PPP2R2A: variants seen among roughly 807,000 people sequenced by gnomAD.
PPP2R2A encodes protein phosphatase 2 regulatory subunit Balpha.
PPP2R2A carries 9 observed loss-of-function variants against 53.2 expected under a neutral mutation model. That is an observed-to-expected ratio of 0.17 (90% CI 0.10 to 0.30). The LOEUF is 0.30. PPP2R2A is among the 10% of genes least tolerant of loss of function. The pLI is 1.00. For synonymous variants in PPP2R2A, 169 were observed against 174.2 expected, an observed-to-expected ratio of 0.97 and a Z score of 0.23; for missense variants, 235 against 534.6, an observed-to-expected ratio of 0.44 and a Z score of 5.53.
chr8:26,370,004 C>A lies in PPP2R2A; in HGVS notation c.1065-130C>A. ...TTTATTCTAGTGATTGAGTTGATGT[C>A]AACAGCCCCTGTCCCTTAGTTTAAA... On this transcript the variant is annotated intron_variant, in intron 9 of 9. Transcript: ENST00000380737. This position sits in a 1 kb window ranked among gnomAD's most constrained non-coding sequence, Gnocchi z 6.1. The A allele has an allele frequency of 1.1e-6, 1 of 877,102 alleles. No homozygotes were observed. The highest frequency in any genetic ancestry group is 1.7e-6 in the Non-Finnish European group (1 of 575,952). The allele number at this position is 877,102 out of a possible 1,614,324, so 54.3% of individuals were successfully genotyped here. A position where few individuals can be genotyped will look rare whatever the true frequency, so the allele number is the denominator to read the frequency against.
Position 26,358,847 on chromosome 8 carries a change from A to G in PPP2R2A, c.347-1322A>G, listed in dbSNP as rs1169487120. On this transcript the variant is annotated intron_variant, in intron 4 of 9. Coordinates refer to ENST00000380737, the MANE Select transcript of PPP2R2A (RefSeq NM_002717.4). The stretch of plus-strand genomic sequence containing the variant: ...GGGATGCTTCCTGCAGGAGAATTCT[A>G]AATAAGACGTGGATACATACTCTTC... 4 of 444,150 alleles carry G rather than the reference A, an allele frequency of 9.0e-6. No homozygotes were observed. In the East Asian group the frequency reaches 2.8e-4, roughly 31 times the overall value. 27.5% of individuals were successfully genotyped at this position (444,150 alleles called of 1,614,324 possible). A position where few individuals can be genotyped will look rare whatever the true frequency, so the allele number is the denominator to read the frequency against.
In PPP2R2A at chr8:26,362,662, T is replaced by A. The variant is rs1362271633; in HGVS notation, c.638-22T>A. The stretch of plus-strand genomic sequence containing the variant: ...TTTGCCCTTTTTTCTAAGTGGAAAT[T>A]CCTTAATAAAATGTTATCTAGACAT... On this transcript the variant is annotated intron_variant, in intron 6 of 9. Coordinates refer to ENST00000380737, the MANE Select transcript of PPP2R2A (RefSeq NM_002717.4). This position sits in a 1 kb window ranked among gnomAD's most constrained non-coding sequence, Gnocchi z 4.4. The A allele has an allele frequency of 1.9e-6, 3 of 1,606,546 alleles. No individual in the cohort carries two copies. Among genetic ancestry groups the A allele is most frequent in the Non-Finnish European group, 2.6e-6 (3 of 1,175,006 alleles).
chr8:26,338,760 T>C lies in PPP2R2A; in HGVS notation c.83-130T>C, dbSNP rs1803793537. On this transcript the variant is annotated intron_variant, in intron 2 of 9. Transcript: ENST00000380737. The surrounding 1 kb of genome is among the most constrained non-coding windows in gnomAD (Gnocchi z 4.5). Reference sequence around the variant, plus strand: ...AACTTTAGATTCATGTTATTTCTGATGGGTGGTTGATGTACTTCAAAGATA... The same window carrying C: ...AACTTTAGATTCATGTTATTTCTGACGGGTGGTTGATGTACTTCAAAGATA... The C allele has an allele frequency of 2.0e-6, 1 of 499,520 alleles. No individual in the cohort carries two copies. The highest frequency in any genetic ancestry group is 3.6e-6 in the Non-Finnish European group (1 of 280,498). The allele number at this position is 499,520 out of a possible 1,614,324, so 30.9% of individuals were successfully genotyped here. A position where few individuals can be genotyped will look rare whatever the true frequency, so the allele number is the denominator to read the frequency against.
At chr8:26,363,948 GAGA>G (rs1007866312) in intron 8 of PPP2R2A, 58 bp downstream of exon 8, 2 of 1,424,068 alleles carry the variant, frequency 1.4e-6, no homozygotes, top group African/African-American at 2.8e-5. Flanking sequence ...AGTGTTTATA[GAGA>G]AGGATTTTGT....
At chr8:26,368,828 C>T (rs369199861) in intron 9 of PPP2R2A, among the ~76,000 whole-genome samples, 19 of 152,008 alleles carry the variant, frequency 1.2e-4, no homozygotes, top group Admixed American at 2.0e-4. Context: ...ATATATAGGC[C>T]GGGCACGGTG....
intron 2 of PPP2R2A, among the ~76,000 whole-genome samples, chr8:26,327,503 C>T (rs1216478205): frequency 6.6e-6 from 1 of 152,088 alleles, no homozygotes; most frequent in African/African-American, 2.4e-5. Context: ...CTTTTCAGGG[C>T]GTTACAATAA....
At chr8:26,306,037 G>A (rs753076576) in intron 2 of PPP2R2A, among the ~76,000 whole-genome samples, 13 of 152,214 alleles carry the variant, frequency 8.5e-5, no homozygotes, top group Middle Eastern at 3.4e-3. Context: ...GCTGGGCATG[G>A]TGGCACGTGC....
intron 7 of PPP2R2A, chr8:26,363,217 A>AG (rs1188774174): frequency 6.4e-6 from 1 of 155,730 alleles, no homozygotes; most frequent in Non-Finnish European, 1.4e-5. Flanking sequence ...GCTTAAAAAA[A>AG]AAAAAAAAAA....
intron 3 of PPP2R2A, chr8:26,340,090 A>C: frequency 6.6e-6 from 1 of 152,022 alleles, no homozygotes; most frequent in African/African-American, 2.4e-5. Context: ...AATAAGACTC[A>C]AGCTTTGCTT....
chr8:26,309,356 A>C (rs1802169225), intron 2 of PPP2R2A, among the ~76,000 whole-genome samples: 1 of 152,216 alleles, frequency 6.6e-6, no homozygotes, highest in African/African-American at 2.4e-5. Flanking sequence ...AGTGGGCTTA[A>C]AATGTTTAGT....
intron 3 of PPP2R2A, among the ~76,000 whole-genome samples, chr8:26,347,417 GT>G (rs10706344): frequency 0.28 from 40,044 of 142,072 alleles, 5,614 homozygotes; most frequent in Non-Finnish European, 0.3. Flanking sequence ...TGCATGGAGG[GT>G]TTTTTTTTTT....
intron 2 of PPP2R2A, among the ~76,000 whole-genome samples, chr8:26,322,772 A>G (rs556363008): frequency 2.6e-5 from 4 of 152,300 alleles, no homozygotes; most frequent in East Asian, 1.9e-4. Context: ...TCTTAAGCCA[A>G]ACTTCAGACC....
rs748632373 is a variant in PPP2R2A at position 26,354,082 on chromosome 8, C to G, written c.181-386C>G. 6.6e-6 allele frequency among the ~76,000 whole-genome samples: 1 copy of G among 152,094 alleles called. No individual in the cohort carries two copies. The highest frequency in any genetic ancestry group is 1.9e-4 in the East Asian group (1 of 5,188). On this transcript the variant is annotated intron_variant, in intron 3 of 9. Coordinates refer to ENST00000380737, the MANE Select transcript of PPP2R2A (RefSeq NM_002717.4). This position sits in a 1 kb window ranked among gnomAD's most constrained non-coding sequence, Gnocchi z 4.6. ...GGCATAGGAAGAAGGTGTGCCTCAC[C>G]TAGCTCTTTCTGGGCAAGACTTTAT...
At chr8:26,298,643 A>G (rs1394991389) in intron 2 of PPP2R2A, 1 of 152,150 alleles carries the variant, frequency 6.6e-6, no homozygotes, top group African/African-American at 2.4e-5. Context: ...TAATTTGACT[A>G]TTTGGTTTTT....
At chr8:26,305,294 T>G (rs536059081) in intron 2 of PPP2R2A, among the ~76,000 whole-genome samples, 1 of 152,244 alleles carries the variant, frequency 6.6e-6, no homozygotes, top group Non-Finnish European at 1.5e-5. Context: ...CCCTTTTGTT[T>G]ATTCATTCAT....
At chr8:26,359,233 G>T (rs1404552543) in intron 4 of PPP2R2A, among the ~76,000 whole-genome samples, 2 of 152,210 alleles carry the variant, frequency 1.3e-5, no homozygotes, top group Non-Finnish European at 2.9e-5. Context: ...GAGAGCCTGA[G>T]AAACTTAAAG....
chr8:26,311,217 A>G (rs185084712), intron 2 of PPP2R2A, among the ~76,000 whole-genome samples: 1 of 152,240 alleles, frequency 6.6e-6, no homozygotes, highest in African/African-American at 2.4e-5. Flanking sequence ...TAAGCCTCAG[A>G]ACATTTAATT....
At chr8:26,312,192 C>T (rs901517753) in intron 2 of PPP2R2A, among the ~76,000 whole-genome samples, 3 of 152,104 alleles carry the variant, frequency 2.0e-5, no homozygotes, top group East Asian at 1.9e-4. Context: ...GTTATTATAC[C>T]AGTGAACATG....
chr8:26,303,031 A>G (rs938533106), intron 2 of PPP2R2A, among the ~76,000 whole-genome samples: 2 of 152,232 alleles, frequency 1.3e-5, no homozygotes, highest in Non-Finnish European at 2.9e-5. Flanking sequence ...TACAAGTCTC[A>G]TGAACCACAA....
Sources: allele counts gnomAD v4.1 joint callset (sites outside exome capture counted in the v4.1 genomes callset), GRCh38; gene constraint gnomAD v4.1.1; non-coding constraint Gnocchi (gnomAD v3.1); transcripts MANE v1.5; gene names NCBI Gene and HGNC (gene_info 2026-07-23, HGNC 2026-07-21).